Variants in FAM174B observed in about 807,000 individuals in gnomAD.
The protein encoded by FAM174B is membrane protein FAM174B.
In FAM174B, 12 loss-of-function variants were observed where a neutral mutation model predicts 10.9. The ratio of observed to expected loss-of-function variants is 1.10; its 90% CI spans 0.71 to 1.79. The LOEUF (loss-of-function observed/expected upper bound fraction) is 1.79, where lower values mean the gene tolerates loss of function less well. Among genes scored for constraint, FAM174B ranks in the 40% most tolerant of loss-of-function variants. The pLI is 0.00. For synonymous variants in FAM174B, 132 were observed against 115.8 expected (o/e 1.14, Z -0.90); for missense variants, 266 against 233.3 (o/e 1.14, Z -0.91).
At chr15:92,638,433 C>G (rs1436961494) in intron 1 of FAM174B, among the ~76,000 whole-genome samples, 1 of 152,124 alleles carries the variant, frequency 6.6e-6, no homozygotes, top group Non-Finnish European at 1.5e-5. Flanking sequence ...ACAAGGAGGC[C>G]GAGGGAGGAC....
At position 92,626,002 on chromosome 15, in the gene FAM174B, TG is replaced by T. The variant is rs541798386; in HGVS notation, c.476+4211del. On this transcript the variant is annotated intron_variant, in intron 2 of 2. Transcript: ENST00000327355. The stretch of plus-strand genomic sequence containing the variant: ...AGAAGAGATAAAACGTTTAAGGACT[TG>T]GGAGCAGGGACAGGGACTCTTCTTA... Among the ~76,000 whole-genome samples the T allele has an allele frequency of 8.5e-4, 130 of 152,236 alleles. 1 individual carries two copies. Among genetic ancestry groups the T allele is most frequent in the South Asian group, 4.4e-3 (21 of 4,820 alleles).
At chr15:92,628,295 G>C (rs1285441523) in intron 2 of FAM174B, among the ~76,000 whole-genome samples, 1 of 148,906 alleles carries the variant, frequency 6.7e-6, no homozygotes, top group African/African-American at 2.5e-5. Context: ...CTCCCAAGTA[G>C]CTGGGACTAC....
Position 92,627,753 on chromosome 15 carries a change from C to T in FAM174B, c.476+2461G>A, listed in dbSNP as rs563186361. Among the ~76,000 whole-genome samples, 8 of 152,340 alleles carry T rather than the reference C, an allele frequency of 5.3e-5. No individual in the cohort carries two copies. The South Asian group carries it at 1.7e-3, about 32-fold the overall frequency. On this transcript the variant is annotated intron_variant, in intron 2 of 2. Coordinates refer to ENST00000327355, the MANE Select transcript of FAM174B (RefSeq NM_207446.3). ...ATTGATCCACTCGAACCATTAAACG[C>T]TCCCTATTGTACAATATTCCCAGCC...
chr15:92,633,056 T>A (rs183856458), intron 1 of FAM174B, among the ~76,000 whole-genome samples: 1 of 152,344 alleles, frequency 6.6e-6, no homozygotes, highest in East Asian at 1.9e-4. Flanking sequence ...AACTGCTTTA[T>A]ATTCACTGAT....
At chr15:92,624,588 G>C (rs1259346926) in intron 2 of FAM174B, among the ~76,000 whole-genome samples, 1 of 152,230 alleles carries the variant, frequency 6.6e-6, no homozygotes, top group African/African-American at 2.4e-5. Flanking sequence ...AATGCCCTTT[G>C]TTTCCAAGAC....
chr15:92,631,315 T>A (rs866457016), intron 1 of FAM174B, among the ~76,000 whole-genome samples: 14 of 794 alleles, frequency 0.018, 3 homozygotes, highest in African/African-American at 0.027. Context: ...ATATTATATA[T>A]AATATTATAT....
chr15:92,649,502 C>T (rs2050950567), intron 1 of FAM174B, among the ~76,000 whole-genome samples: 1 of 152,140 alleles, frequency 6.6e-6, no homozygotes, highest in African/African-American at 2.4e-5. Flanking sequence ...TTTTCAGAAT[C>T]GTATTTTTCA....
At chr15:92,641,410 A>G (rs1165820241) in intron 1 of FAM174B, among the ~76,000 whole-genome samples, 2 of 152,252 alleles carry the variant, frequency 1.3e-5, no homozygotes, top group Non-Finnish European at 2.9e-5. Flanking sequence ...TGACACCTAC[A>G]TGCCCATTAA....
At chr15:92,654,361 A>G (rs1295906195) in intron 1 of FAM174B, among the ~76,000 whole-genome samples, 2 of 152,150 alleles carry the variant, frequency 1.3e-5, no homozygotes, top group Admixed American at 6.5e-5. Flanking sequence ...GCTGACACAC[A>G]CACCCAGACT....
rs1184011313 is a variant in FAM174B at position 92,618,790 on chromosome 15, A to T, written c.*666T>A. On this transcript the variant is annotated 3_prime_UTR_variant, in exon 3 of 3. Coordinates refer to ENST00000327355, the MANE Select transcript of FAM174B (RefSeq NM_207446.3). ...CGCACAGTTTTTCCCTGATACTGGAAATTCTTTGTGAACTAGCCACGCTGA... is the reference window on the plus strand; with the variant it reads ...CGCACAGTTTTTCCCTGATACTGGATATTCTTTGTGAACTAGCCACGCTGA... 5.8e-6 allele frequency: 1 copy of T among 172,522 alleles called. No individual in the cohort carries two copies. Among genetic ancestry groups the T allele is most frequent in the Non-Finnish European group, 1.2e-5 (1 of 80,860 alleles). 10.7% of individuals were successfully genotyped at this position (172,522 alleles called of 1,614,324 possible).
At chr15:92,637,369 C>T (rs2050862769) in intron 1 of FAM174B, among the ~76,000 whole-genome samples, 1 of 152,192 alleles carries the variant, frequency 6.6e-6, no homozygotes, top group South Asian at 2.1e-4. Context: ...AGTCCTAAAT[C>T]GACTACCAAG....
At chr15:92,650,555 C>T (rs537226779) in intron 1 of FAM174B, among the ~76,000 whole-genome samples, 3 of 152,288 alleles carry the variant, frequency 2.0e-5, no homozygotes, top group South Asian at 2.1e-4. Context: ...GTTGTGGTTT[C>T]GAGGTGGCAG....
rs919425010 is a variant in FAM174B at position 92,655,603 on chromosome 15, C to G, written c.57G>C (p.Leu19=). ...PLLPLLLLAL[L]AAPAARASRA... is the part of the protein sequence containing the mutation. ...TGCTGGCGCGGGCGGCGGGAGCGGC[C>G]AGGAGCGCGAGCAGCAGCAGCGGCA... The change falls in exon 1 of 3, where the codon CTG becomes CTC. Residue 19 remains leucine, a synonymous_variant. Coordinates refer to ENST00000327355, the MANE Select transcript of FAM174B (RefSeq NM_207446.3). 7.8e-7 allele frequency: 1 copy of G among 1,279,936 alleles called. No homozygotes were observed. The highest frequency in any genetic ancestry group is 9.8e-7 in the Non-Finnish European group (1 of 1,016,186). 79.3% of individuals were successfully genotyped at this position (1,279,936 alleles called of 1,614,324 possible).
chr15:92,644,621 GT>G (rs2050913755), intron 1 of FAM174B, among the ~76,000 whole-genome samples: 1 of 152,082 alleles, frequency 6.6e-6, no homozygotes, highest in Admixed American at 6.6e-5. Flanking sequence ...CCAGCACCCA[GT>G]CACCAGTCAA....
intron 1 of FAM174B, among the ~76,000 whole-genome samples, chr15:92,640,160 T>G (rs1389037076): frequency 6.6e-6 from 1 of 151,932 alleles, no homozygotes; most frequent in Non-Finnish European, 1.5e-5. Flanking sequence ...ATGTAGAAAA[T>G]AAAACCATAG....
rs556737876 is a variant in FAM174B at position 92,620,503 on chromosome 15, A to C, written c.477-1044T>G. ...ACAGAGCAAGACTCCGTCTCAAAAA[A>C]ATAAGCATAAGTTTAAAAACTAAAT... is the stretch of plus-strand genomic sequence containing the variant. On this transcript the variant is annotated intron_variant, in intron 2 of 2. Coordinates refer to ENST00000327355, the MANE Select transcript of FAM174B (RefSeq NM_207446.3). Among the ~76,000 whole-genome samples the C allele has an allele frequency of 4.6e-5, 7 of 151,650 alleles. No individual in the cohort carries two copies. The East Asian group carries it at 1.4e-3, about 29-fold the overall frequency.
chr15:92,631,893 G>A lies in FAM174B; in HGVS notation c.345-1548C>T, dbSNP rs1182414072. Reference sequence around the variant, plus strand: ...AGGACCGGGTTTGTCACAGCCTGACGCTTGAGGGCGCCGCCCTATAGGCCA... The same window carrying A: ...AGGACCGGGTTTGTCACAGCCTGACACTTGAGGGCGCCGCCCTATAGGCCA... On this transcript the variant is annotated intron_variant, in intron 1 of 2. Transcript: ENST00000327355. Among the ~76,000 whole-genome samples, 3 of 152,146 alleles carry A rather than the reference G, an allele frequency of 2.0e-5. No homozygotes were observed. The East Asian group carries it at 5.8e-4, about 29-fold the overall frequency.
At chr15:92,625,634 C>T (rs2050747676) in intron 2 of FAM174B, among the ~76,000 whole-genome samples, 1 of 152,166 alleles carries the variant, frequency 6.6e-6, no homozygotes, top group Non-Finnish European at 1.5e-5. Context: ...GAAAAACGTG[C>T]CAAAACAGCA....
chr15:92,641,716 G>GA (rs201939905), intron 1 of FAM174B, among the ~76,000 whole-genome samples: 4 of 151,910 alleles, frequency 2.6e-5, no homozygotes, highest in African/African-American at 4.8e-5. Context: ...TAAATTTTTA[G>GA]AAAAAAATAG....
Sources: allele counts gnomAD v4.1 joint callset (sites outside exome capture counted in the v4.1 genomes callset), GRCh38; gene constraint gnomAD v4.1.1; transcripts MANE v1.5; gene names NCBI Gene and HGNC (gene_info 2026-07-23, HGNC 2026-07-21).